The following ECD variants were observed in gnomAD, a reference collection of about 807,000 sequenced individuals.
ECD encodes the protein protein ecdysoneless homolog.
In ECD, 59 loss-of-function variants were observed where a neutral mutation model predicts 77.2. The ratio of observed to expected loss-of-function variants is 0.76; its 90% CI spans 0.62 to 0.95. The LOEUF (loss-of-function observed/expected upper bound fraction) is 0.95. ECD is among the 40% of genes least tolerant of loss of function. The pLI is 0.00. For missense variants in ECD, 704 were observed against 763.4 expected (o/e 0.92, Z 0.92); for synonymous variants, 233 against 267.4 (o/e 0.87, Z 1.26).
chr10:73,163,657 CG>C, intron 2 of ECD, 75 bp downstream of exon 2: 1 of 1,402,702 alleles, frequency 7.1e-7, no homozygotes, highest in South Asian at 1.2e-5. Context: ...CTGAATGAAG[CG>C]TGGACTATTA....
intron 13 of ECD, among the ~76,000 whole-genome samples, chr10:73,135,952 G>A (rs971991047): frequency 1.8e-4 from 27 of 152,218 alleles, no homozygotes; most frequent in South Asian, 8.3e-4. Flanking sequence ...TGGTTTAGAT[G>A]ATCAAAGCAA....
intron 5 of ECD, among the ~76,000 whole-genome samples, chr10:73,155,553 A>G (rs1843284912): frequency 6.6e-6 from 1 of 151,962 alleles, no homozygotes; most frequent in Non-Finnish European, 1.5e-5. Flanking sequence ...AGAACAACAG[A>G]AAAAACCTGA....
chr10:73,139,541 GTCCTCTTAGGAGAGGA>G (rs1202622351), intron 10 of ECD, 46 bp from the exon 11 acceptor site: 2 of 1,601,734 alleles, frequency 1.2e-6, no homozygotes, highest in Non-Finnish European at 8.5e-7. Flanking sequence ...ATTCACATAA[GTCCTCTTAGGAGAGGA>G]TCCTGTGAGA....
At chr10:73,154,748 C>G (rs1843273854) in intron 5 of ECD, among the ~76,000 whole-genome samples, 1 of 151,974 alleles carries the variant, frequency 6.6e-6, no homozygotes, top group African/African-American at 2.4e-5. Context: ...TCCTGGCTAA[C>G]ACGGTAAAAC....
At chr10:73,144,933 A>G (rs1307537094) in intron 9 of ECD, among the ~76,000 whole-genome samples, 2 of 152,228 alleles carry the variant, frequency 1.3e-5, no homozygotes, top group Non-Finnish European at 2.9e-5. Context: ...CAAAGAAATG[A>G]TAAATGCTTG....
At chr10:73,140,265 G>A (rs563961253) in intron 9 of ECD, among the ~76,000 whole-genome samples, 38 of 151,726 alleles carry the variant, frequency 2.5e-4, no homozygotes, top group Middle Eastern at 3.4e-3. Flanking sequence ...TTACAGACAT[G>A]AGCCACCGCA....
upstream of ECD, chr10:73,168,030 T>G: frequency 2.6e-6 from 1 of 387,788 alleles, no homozygotes. Flanking sequence ...TGAGAGAAAG[T>G]CTGAAACCCA....
intron 1 of ECD, among the ~76,000 whole-genome samples, chr10:73,166,256 G>C (rs1165245792): frequency 6.6e-6 from 1 of 151,754 alleles, no homozygotes; most frequent in Non-Finnish European, 1.5e-5. Context: ...TCCAAATCTT[G>C]GCTACTGAGA....
In ECD at chr10:73,134,739, T is replaced by G. The variant is rs774338740; in HGVS notation, c.1779A>C (p.Pro593=). Reference sequence around the variant, plus strand: ...AAACCAGGTTCAGGTCTACATCTACTGGTGCCATAACAGATTCTCCCGTAC... The same window carrying G: ...AAACCAGGTTCAGGTCTACATCTACGGGTGCCATAACAGATTCTCCCGTAC... ...DSGTGESVMA[P]VDVDLNLVSN... Residue 593 remains proline (P), a synonymous_variant, in exon 14 of 14, where the codon CCA becomes CCC. Coordinates refer to ENST00000372979, the MANE Select transcript of ECD (RefSeq NM_007265.3). The G allele has an allele frequency of 1.9e-6, 3 of 1,614,194 alleles. No homozygotes were observed. Among genetic ancestry groups the G allele is most frequent in the Admixed American group, 3.3e-5 (2 of 60,020 alleles).
intron 12 of ECD, among the ~76,000 whole-genome samples, 169 bp from the exon 13 acceptor site, chr10:73,137,087 A>G (rs2133245720): frequency 6.6e-6 from 1 of 152,002 alleles, no homozygotes; most frequent in Admixed American, 6.5e-5. Flanking sequence ...ACAAATGGTA[A>G]TGCTGGCAGA....
At position 73,146,364 on chromosome 10, in the gene ECD, TAA is replaced by T. The variant is rs746646077; in HGVS notation, c.1042-5_1042-4del. On this transcript the variant is annotated splice_polypyrimidine_tract_variant and splice_region_variant and intron_variant, in intron 8 of 13. Coordinates refer to ENST00000372979, the MANE Select transcript of ECD (RefSeq NM_007265.3). ...TGAGCAGAACCTTCTATCAGTCCCT[TAA>T]AAAAAAAAAAAGGTCTATCAGAACA... The T allele has an allele frequency of 3.4e-3, 4,487 of 1,318,980 alleles. No individual in the cohort carries two copies. The highest frequency in any genetic ancestry group is 6.5e-3 in the South Asian group (474 of 72,494). The allele number at this position is 1,318,980 out of a possible 1,614,324, so 81.7% of individuals were successfully genotyped here.
At chr10:73,165,856 T>C (rs778288841) in intron 1 of ECD, among the ~76,000 whole-genome samples, 19 of 152,314 alleles carry the variant, frequency 1.2e-4, no homozygotes, top group Non-Finnish European at 7.3e-5. Context: ...TATTTTTAAA[T>C]GTACAATTAA....
At chr10:73,157,946 ATTATTTTATTTTATT>A (rs113656136) in intron 3 of ECD, among the ~76,000 whole-genome samples, 2 of 150,058 alleles carry the variant, frequency 1.3e-5, no homozygotes, top group Admixed American at 6.6e-5. Context: ...TTCTATTTTT[ATTATTTTATTTTATT>A]TTATTTTATT....
At chr10:73,139,833 G>T in intron 9 of ECD, 96 bp from the exon 10 acceptor site, 22 of 686,364 alleles carry the variant, frequency 3.2e-5, no homozygotes, top group East Asian at 6.9e-5. Flanking sequence ...GGATTAGCTA[G>T]TCTAATTTGG....
In ECD at chr10:73,154,239, C is replaced by A; in HGVS notation, c.783+17G>T. The A allele has an allele frequency of 1.3e-6, 2 of 1,558,608 alleles. No individual in the cohort carries two copies. Among genetic ancestry groups the A allele is most frequent in the South Asian group, 1.2e-5 (1 of 82,836 alleles). On this transcript the variant is annotated intron_variant, in intron 6 of 13. Transcript: ENST00000372979. ...TTTCCAGTAAGAGAAACTAAATGAC[C>A]AAGATAGAAATCTCACCGATGTCAT... is the stretch of plus-strand genomic sequence containing the variant.
intron 2 of ECD, among the ~76,000 whole-genome samples, chr10:73,161,847 A>G (rs1185916608): frequency 6.6e-6 from 1 of 152,230 alleles, no homozygotes; most frequent in Non-Finnish European, 1.5e-5. Flanking sequence ...ACCAAGCGAG[A>G]TTTATTCCTG....
At chr10:73,144,201 T>C (rs1843095193) in intron 9 of ECD, among the ~76,000 whole-genome samples, 1 of 152,226 alleles carries the variant, frequency 6.6e-6, no homozygotes, top group South Asian at 2.1e-4. Flanking sequence ...CTGCAATTCA[T>C]TTATCCATTA....
At chr10:73,146,455 T>C (rs1331644070) in intron 8 of ECD, 94 bp from the exon 9 acceptor site, 5 of 716,742 alleles carry the variant, frequency 7.0e-6, no homozygotes, top group Non-Finnish European at 1.1e-5. Context: ...CAGCAAATAA[T>C]CTACTACTCA....
intron 9 of ECD, among the ~76,000 whole-genome samples, chr10:73,145,015 A>T (rs1843105192): frequency 6.6e-6 from 1 of 152,204 alleles, no homozygotes; most frequent in Non-Finnish European, 1.5e-5. Context: ...TATACATGTA[A>T]TCACATGTAC....
Sources: allele counts gnomAD v4.1 joint callset (sites outside exome capture counted in the v4.1 genomes callset), GRCh38; gene constraint gnomAD v4.1.1; transcripts MANE v1.5; gene names NCBI Gene and HGNC (gene_info 2026-07-23, HGNC 2026-07-21).